The following CDK14 variants were observed in gnomAD, a reference collection of about 807,000 sequenced individuals.
CDK14 encodes the protein cyclin-dependent kinase 14.
In CDK14, 34 loss-of-function variants were observed where a neutral mutation model predicts 60.7. That is an observed-to-expected ratio of 0.56 (90% CI 0.43 to 0.75). The LOEUF (loss-of-function observed/expected upper bound fraction) is 0.75. CDK14 is among the 30% of genes least tolerant of loss of function. The pLI is 0.00. For synonymous variants in CDK14, 197 were observed against 203.7 expected, an observed-to-expected ratio of 0.97 and a Z score of 0.28; for missense variants, 482 against 564.1, an observed-to-expected ratio of 0.85 and a Z score of 1.47.
At chr7:90,671,895 T>G (rs7807078) in intron 2 of CDK14, among the ~76,000 whole-genome samples, 1 of 151,954 alleles carries the variant, frequency 6.6e-6, no homozygotes, top group Admixed American at 6.5e-5. Flanking sequence ...AAAAAGACAA[T>G]CGTGTTTAAG....
At chr7:90,632,988 C>T (rs912070033) in intron 2 of CDK14, among the ~76,000 whole-genome samples, 3 of 151,434 alleles carry the variant, frequency 2.0e-5, no homozygotes, top group Admixed American at 6.6e-5. Flanking sequence ...CTCAGCCACT[C>T]GGGAGACTGA....
intron 2 of CDK14, among the ~76,000 whole-genome samples, chr7:90,655,633 G>A (rs1381427425): frequency 2.0e-5 from 3 of 152,234 alleles, no homozygotes; most frequent in East Asian, 1.9e-4. Context: ...CATGAGCAAC[G>A]TACTCAACCA....
chr7:90,723,904 A>G (rs994164975), intron 2 of CDK14, among the ~76,000 whole-genome samples: 6 of 152,152 alleles, frequency 3.9e-5, no homozygotes, highest in African/African-American at 1.2e-4. Flanking sequence ...TTTCCTTACA[A>G]TGTTCTTGTG....
intron 5 of CDK14, among the ~76,000 whole-genome samples, chr7:90,800,683 T>G (rs1323863059): frequency 6.6e-6 from 1 of 152,184 alleles, no homozygotes; most frequent in Non-Finnish European, 1.5e-5. Flanking sequence ...TAGATTTCAT[T>G]TCTTGCATTT....
In CDK14 at chr7:90,820,609, T is replaced by G. The variant is rs778197639; in HGVS notation, c.544+29957T>G. Among the ~76,000 whole-genome samples, 25 of 152,316 alleles carry G rather than the reference T, an allele frequency of 1.6e-4. No individual in the cohort carries two copies. The Middle Eastern group carries it at 0.014, about 83-fold the overall frequency. On this transcript the variant is annotated intron_variant, in intron 5 of 14. Coordinates refer to ENST00000380050, the MANE Select transcript of CDK14 (RefSeq NM_001287135.2). ...CAGCCATGTGGAACTGTGAGTCAATTAAACCTCTTCTCTTTATAAATTACC... is the reference window on the plus strand; with the variant it reads ...CAGCCATGTGGAACTGTGAGTCAATGAAACCTCTTCTCTTTATAAATTACC...
chr7:91,110,645 A>G (rs370917922), intron 12 of CDK14, among the ~76,000 whole-genome samples: 4 of 152,330 alleles, frequency 2.6e-5, no homozygotes, highest in African/African-American at 9.6e-5. Flanking sequence ...TTTACATGCA[A>G]TGTAACAACA....
At chr7:90,686,831 A>T (rs566757416) in intron 2 of CDK14, among the ~76,000 whole-genome samples, 14 of 152,116 alleles carry the variant, frequency 9.2e-5, no homozygotes, top group Non-Finnish European at 1.3e-4. Context: ...TTTGTCTTTG[A>T]TGAAAAGTTT....
intron 10 of CDK14, among the ~76,000 whole-genome samples, chr7:90,991,731 A>G (rs754102100): frequency 5.9e-5 from 9 of 152,182 alleles, no homozygotes; most frequent in South Asian, 2.1e-4. Context: ...GAAAACACAC[A>G]TGGGTTTATT....
intron 4 of CDK14, among the ~76,000 whole-genome samples, chr7:90,750,647 C>T (rs143972476): frequency 0.011 from 1,634 of 152,176 alleles, 29 homozygotes; most frequent in African/African-American, 0.036. Flanking sequence ...CCAAGGCGAG[C>T]GGATCATCTG....
At chr7:91,136,836 G>A (rs1584111863) in intron 14 of CDK14, among the ~76,000 whole-genome samples, 2 of 152,000 alleles carry the variant, frequency 1.3e-5, no homozygotes, top group East Asian at 3.9e-4. Context: ...TCTGTTTAAG[G>A]GTCTAAAAGA....
At chr7:90,644,427 T>C (rs4728912) in intron 2 of CDK14, among the ~76,000 whole-genome samples, 129,716 of 152,230 alleles carry the variant, frequency 0.85, 55,380 homozygotes, top group East Asian at 1. Context: ...AGTAACTTCC[T>C]TCAGGTCTCA....
At chr7:90,841,465 G>C (rs903425775) in intron 5 of CDK14, among the ~76,000 whole-genome samples, 1 of 151,966 alleles carries the variant, frequency 6.6e-6, no homozygotes, top group Non-Finnish European at 1.5e-5. Context: ...TAAAAATAAA[G>C]TCTATTATTT....
intron 12 of CDK14, among the ~76,000 whole-genome samples, chr7:91,100,246 T>C (rs527242442): frequency 6.6e-6 from 1 of 152,288 alleles, no homozygotes; most frequent in East Asian, 1.9e-4. Flanking sequence ...TGTAGAATTA[T>C]AGTTTAAGTG....
chr7:90,869,054 C>T (rs1284658801), intron 6 of CDK14, among the ~76,000 whole-genome samples: 1 of 152,188 alleles, frequency 6.6e-6, no homozygotes, highest in Non-Finnish European at 1.5e-5. Flanking sequence ...TATTTGGTTT[C>T]TCTGCCTCAT....
At chr7:90,904,567 A>G (rs1792631782) in intron 7 of CDK14, among the ~76,000 whole-genome samples, 1 of 152,102 alleles carries the variant, frequency 6.6e-6, no homozygotes, top group Non-Finnish European at 1.5e-5. Context: ...AAACCAAAAA[A>G]TACAAAGATG....
chr7:90,673,698 A>G lies in CDK14; in HGVS notation c.124-52869A>G, dbSNP rs1239171845. Among the ~76,000 whole-genome samples, 5 of 152,214 alleles carry G rather than the reference A, an allele frequency of 3.3e-5. 1 individual carries two copies. Among genetic ancestry groups the G allele is most frequent in the Non-Finnish European group, 2.9e-5 (2 of 68,030 alleles). ...CACATCATTACCCTAAGAAAAGTTT[A>G]TAAGTGAATAATCACAAACCTATGG... On this transcript the variant is annotated intron_variant, in intron 2 of 14. Coordinates refer to ENST00000380050, the MANE Select transcript of CDK14 (RefSeq NM_001287135.2).
At chr7:90,828,173 A>G (rs951742181) in intron 5 of CDK14, among the ~76,000 whole-genome samples, 1 of 152,220 alleles carries the variant, frequency 6.6e-6, no homozygotes, top group Non-Finnish European at 1.5e-5. Context: ...AAATATTTCC[A>G]GAGTCCTTGT....
At chr7:90,829,526 G>A (rs1789840358) in intron 5 of CDK14, among the ~76,000 whole-genome samples, 2 of 152,094 alleles carry the variant, frequency 1.3e-5, no homozygotes, top group Admixed American at 1.3e-4. Flanking sequence ...ATCCAGCAGG[G>A]CAGTCATTAA....
intron 14 of CDK14, among the ~76,000 whole-genome samples, chr7:91,128,317 A>G (rs1800012505): frequency 1.3e-5 from 2 of 152,298 alleles, no homozygotes; most frequent in South Asian, 4.1e-4. Flanking sequence ...ATTCAGCATA[A>G]AAAGCTTAGC....
Sources: allele counts gnomAD v4.1 joint callset (sites outside exome capture counted in the v4.1 genomes callset), GRCh38; gene constraint gnomAD v4.1.1; transcripts MANE v1.5; gene names NCBI Gene and HGNC (gene_info 2026-07-23, HGNC 2026-07-21).